CDH13: variants seen among roughly 807,000 people sequenced by gnomAD.
CDH13 encodes cadherin 13, also known as cadherin-13.
In CDH13, 24 loss-of-function variants were observed where a neutral mutation model predicts 63.8. That is an observed-to-expected ratio of 0.38 (90% CI 0.27 to 0.53). The LOEUF is 0.53. Ranked by LOEUF, CDH13 falls within the 20% of genes least tolerant of loss-of-function variation. CDH13 has a pLI of 0.85. For synonymous variants in CDH13, 503 were observed against 355.3 expected, an observed-to-expected ratio of 1.42 and a Z score of -4.67; for missense variants, 1,049 against 903.1, an observed-to-expected ratio of 1.16 and a Z score of -2.07.
At chr16:82,677,173 C>T (rs111783747) in intron 1 of CDH13, among the ~76,000 whole-genome samples, 44 of 152,308 alleles carry the variant, frequency 2.9e-4, no homozygotes, top group African/African-American at 8.9e-4. Flanking sequence ...TGAGCCACTG[C>T]GCCTGGCCTA....
chr16:83,280,959 G>C (rs972213144), intron 5 of CDH13, among the ~76,000 whole-genome samples: 1 of 152,188 alleles, frequency 6.6e-6, no homozygotes, highest in African/African-American at 2.4e-5. Context: ...CTGTCATCCA[G>C]ATTTTGTTAT....
chr16:82,794,271 G>T (rs2036470739), intron 1 of CDH13, among the ~76,000 whole-genome samples: 1 of 150,694 alleles, frequency 6.6e-6, no homozygotes. Flanking sequence ...GCCCAGGGAA[G>T]CCAAAAATTT....
chr16:83,118,216 T>C (rs1261883614), intron 3 of CDH13, among the ~76,000 whole-genome samples: 1 of 152,044 alleles, frequency 6.6e-6, no homozygotes, highest in Admixed American at 6.5e-5. Context: ...AGAACCTCAC[T>C]CTCCTCTGCA....
At chr16:83,340,886 T>A (rs572949015) in intron 5 of CDH13, among the ~76,000 whole-genome samples, 30 of 152,282 alleles carry the variant, frequency 2.0e-4, no homozygotes, top group Non-Finnish European at 3.5e-4. Flanking sequence ...ACTTTTTTTT[T>A]AATATCACAC....
intron 7 of CDH13, among the ~76,000 whole-genome samples, chr16:83,542,995 C>T (rs2075321661): frequency 6.6e-6 from 1 of 152,258 alleles, no homozygotes; most frequent in African/African-American, 2.4e-5. Context: ...GATACTGATG[C>T]TGCTGGTCTA....
chr16:83,373,989 G>A (rs2091418050), intron 6 of CDH13, among the ~76,000 whole-genome samples: 1 of 152,200 alleles, frequency 6.6e-6, no homozygotes, highest in South Asian at 2.1e-4. Flanking sequence ...AAACGCAACA[G>A]GAAGTCGAAG....
chr16:83,721,632 G>C (rs554106464), intron 10 of CDH13: 1 of 152,236 alleles, frequency 6.6e-6, no homozygotes, highest in Non-Finnish European at 1.5e-5. Context: ...CCTCCAAGTA[G>C]CTTGTGGTCT....
intron 2 of CDH13, among the ~76,000 whole-genome samples, chr16:82,898,292 A>G (rs2041337407): frequency 6.6e-6 from 1 of 152,216 alleles, no homozygotes; most frequent in Non-Finnish European, 1.5e-5. Context: ...TGGGAGGCCA[A>G]GGTGGGTGGA....
At chr16:83,285,838 A>G (rs1332311302) in intron 5 of CDH13, among the ~76,000 whole-genome samples, 2 of 152,188 alleles carry the variant, frequency 1.3e-5, no homozygotes, top group African/African-American at 4.8e-5. Context: ...ATTAAAATGC[A>G]TAACGAATTA....
intron 2 of CDH13, among the ~76,000 whole-genome samples, chr16:82,903,737 T>C (rs545988939): frequency 2.0e-5 from 3 of 152,244 alleles, no homozygotes; most frequent in African/African-American, 7.2e-5. Context: ...TTATCCCTCA[T>C]GTGTTAGGGG....
chr16:82,859,686 G>A (rs1304839100), intron 2 of CDH13: 1 of 151,468 alleles, frequency 6.6e-6, no homozygotes, highest in Non-Finnish European at 1.5e-5. Context: ...CGCTAGCTAA[G>A]TTCCTTTAGT....
At position 83,388,331 on chromosome 16, in the gene CDH13, T is replaced by C. The variant is rs561865828; in HGVS notation, c.781+43325T>C. 7.3e-5 allele frequency among the ~76,000 whole-genome samples: 11 copies of C among 150,706 alleles called. 1 individual carries two copies. In the South Asian group the frequency reaches 2.3e-3, roughly 32 times the overall value. ...TAGCCAGGCATGGTGGTAATGCCTGTAGTCCCAACTACTTGGGAGGCTGAG... is the reference window on the plus strand; with the variant it reads ...TAGCCAGGCATGGTGGTAATGCCTGCAGTCCCAACTACTTGGGAGGCTGAG... On this transcript the variant is annotated intron_variant, in intron 6 of 13. Transcript: ENST00000567109.
chr16:82,684,147 C>T (rs372755322), intron 1 of CDH13, among the ~76,000 whole-genome samples: 1 of 152,158 alleles, frequency 6.6e-6, no homozygotes, highest in Non-Finnish European at 1.5e-5. Context: ...GAAAATGGTC[C>T]AATGATGGGG....
intron 3 of CDH13, among the ~76,000 whole-genome samples, chr16:83,073,321 CTGTGTGTG>C (rs567463667): frequency 6.4e-5 from 9 of 139,688 alleles, no homozygotes; most frequent in African/African-American, 2.4e-4. Context: ...GGGTGTGTGT[CTGTGTGTG>C]TGTGTGTGTG....
At chr16:83,437,010 TAAATC>T (rs1035559518) in intron 6 of CDH13, among the ~76,000 whole-genome samples, 3 of 152,160 alleles carry the variant, frequency 2.0e-5, no homozygotes, top group African/African-American at 7.2e-5. Flanking sequence ...GAGAACAAAT[TAAATC>T]AAAGTCAAAA....
At chr16:83,339,702 G>C (rs545285019) in intron 5 of CDH13, among the ~76,000 whole-genome samples, 10 of 152,156 alleles carry the variant, frequency 6.6e-5, no homozygotes. Flanking sequence ...GCCTTTCACA[G>C]ATGTCCCCCA....
intron 7 of CDH13, among the ~76,000 whole-genome samples, chr16:83,513,231 C>T (rs1029490980): frequency 6.6e-6 from 1 of 152,126 alleles, no homozygotes; most frequent in African/African-American, 2.4e-5. Flanking sequence ...ATGTTCACAT[C>T]TGAATATCTG....
chr16:83,033,697 C>T (rs1361336345), intron 3 of CDH13, among the ~76,000 whole-genome samples: 2 of 152,206 alleles, frequency 1.3e-5, no homozygotes, highest in African/African-American at 2.4e-5. Flanking sequence ...AACTGCCATT[C>T]AGGCTTCCCG....
chr16:83,571,050 G>A (rs976892777), intron 7 of CDH13, among the ~76,000 whole-genome samples: 22 of 149,664 alleles, frequency 1.5e-4, no homozygotes, highest in Admixed American at 3.4e-4. Context: ...CCTCTCCAGC[G>A]TGAGGGAACC....
Sources: gnomAD v4.1 joint callset for allele counts (sites outside exome capture counted in the v4.1 genomes callset) on GRCh38, gnomAD v4.1.1 for gene constraint, MANE v1.5 for transcripts, NCBI Gene and HGNC (gene_info 2026-07-23, HGNC 2026-07-21) for gene names.